Variants in ROBO2 observed in about 807,000 individuals in gnomAD.
ROBO2 encodes roundabout homolog 2.
Under a neutral mutation model 160.8 loss-of-function variants are expected in ROBO2, and 53 were observed. The ratio of observed to expected loss-of-function variants is 0.33; its 90% CI spans 0.26 to 0.41. The LOEUF (loss-of-function observed/expected upper bound fraction) is 0.41. ROBO2 is among the 10% of genes least tolerant of loss of function. The pLI is 1.00. For synonymous variants in ROBO2, 664 were observed against 611.7 expected, an observed-to-expected ratio of 1.09 and a Z score of -1.26; for missense variants, 1,577 against 1,722.4, an observed-to-expected ratio of 0.92 and a Z score of 1.49.
chr3:77,538,319 C>T (rs1435026814), intron 6 of ROBO2, among the ~76,000 whole-genome samples: 2 of 151,642 alleles, frequency 1.3e-5, no homozygotes, highest in Non-Finnish European at 2.9e-5. Context: ...GCTGGGACTA[C>T]AGTCGCCGCC....
At chr3:77,116,586 T>C (rs2074225110) in intron 2 of ROBO2, among the ~76,000 whole-genome samples, 1 of 152,178 alleles carries the variant, frequency 6.6e-6, no homozygotes, top group Non-Finnish European at 1.5e-5. Context: ...AGAAATGTAG[T>C]AGAACTTCAA....
intron 2 of ROBO2, among the ~76,000 whole-genome samples, chr3:76,958,399 C>G (rs1383143086): frequency 6.6e-6 from 1 of 152,232 alleles, no homozygotes; most frequent in Non-Finnish European, 1.5e-5. Context: ...CTCTTCCTCT[C>G]CTCAGCTCAT....
At position 76,380,182 on chromosome 3, in the gene ROBO2, A is replaced by T. The variant is rs545984570; in HGVS notation, c.109+442580A>T. ...TCTAACTCCTTGAAGATATTTAACT[A>T]TAAATCTAGAGCCATTAAAATACAT... On this transcript the variant is annotated intron_variant, in intron 2 of 26. Coordinates refer to the ROBO2 transcript ENST00000487694. 2.6e-5 allele frequency among the ~76,000 whole-genome samples: 4 copies of T among 152,286 alleles called. No individual in the cohort carries two copies. In the South Asian group the frequency reaches 8.3e-4, roughly 32 times the overall value.
At chr3:76,975,033 CT>C (rs2059747221) in intron 2 of ROBO2, among the ~76,000 whole-genome samples, 1 of 152,062 alleles carries the variant, frequency 6.6e-6, no homozygotes, top group Non-Finnish European at 1.5e-5. Flanking sequence ...TGCAGACATG[CT>C]TTAATATGAA....
chr3:76,044,149 T>A (rs540058299), intron 2 of ROBO2, among the ~76,000 whole-genome samples: 1 of 152,150 alleles, frequency 6.6e-6, no homozygotes, highest in African/African-American at 2.4e-5. Flanking sequence ...TGTAACCTCT[T>A]TTCTGTATTT....
chr3:76,432,162 G>C (rs1176292177), intron 2 of ROBO2, among the ~76,000 whole-genome samples: 1 of 152,126 alleles, frequency 6.6e-6, no homozygotes, highest in Non-Finnish European at 1.5e-5. Context: ...TTGGACTTTT[G>C]CTTAGATAAG....
chr3:76,487,246 C>G (rs1191897863), intron 2 of ROBO2, among the ~76,000 whole-genome samples: 1 of 151,732 alleles, frequency 6.6e-6, no homozygotes, highest in African/African-American at 2.4e-5. Context: ...TCCCAAAGTG[C>G]AGGGATTACA....
intron 2 of ROBO2, among the ~76,000 whole-genome samples, chr3:77,034,647 G>A (rs958814513): frequency 6.6e-6 from 1 of 151,882 alleles, no homozygotes; most frequent in African/African-American, 2.4e-5. Context: ...AAGAGATTCA[G>A]TGAGCATACA....
intron 2 of ROBO2, among the ~76,000 whole-genome samples, chr3:76,473,940 C>A (rs977160964): frequency 9.9e-4 from 151 of 152,156 alleles, no homozygotes; most frequent in African/African-American, 3.2e-3. Context: ...TTTTTCCAGA[C>A]CCTATGGATT....
At position 76,689,528 on chromosome 3, in the gene ROBO2, ATTG is replaced by A. The variant is rs2092755251; in HGVS notation, c.110-408483_110-408481del. On this transcript the variant is annotated intron_variant, in intron 2 of 26. Transcript: ENST00000487694. ...GCTATTTTGAAATATACAATAAATT[ATTG>A]TTAATTATAATTTCCTGTCTCCTAC... 5.3e-5 allele frequency among the ~76,000 whole-genome samples: 8 copies of A among 152,276 alleles called. No individual in the cohort carries two copies. In the South Asian group the frequency reaches 1.7e-3, roughly 32 times the overall value.
intron 2 of ROBO2, among the ~76,000 whole-genome samples, chr3:77,208,870 AGGTTAAAACCTTAGTACTT>A (rs2083754328): frequency 6.6e-6 from 1 of 152,214 alleles, no homozygotes; most frequent in African/African-American, 2.4e-5. Context: ...TGGGCTGTGT[AGGTTAAAACCTTAGTACTT>A]GGACTTCATT....
chr3:76,913,669 G>A (rs997790036), intron 2 of ROBO2, among the ~76,000 whole-genome samples: 8 of 152,064 alleles, frequency 5.3e-5, no homozygotes, highest in Non-Finnish European at 8.8e-5. Context: ...CCTGAAAAAC[G>A]TGGCAATTAC....
At chr3:75,960,500 G>A (rs1327805707) in intron 2 of ROBO2, among the ~76,000 whole-genome samples, 2 of 151,782 alleles carry the variant, frequency 1.3e-5, no homozygotes, top group Non-Finnish European at 3.0e-5. Context: ...AAAGATTATA[G>A]GGGTGGTTTC....
intron 2 of ROBO2, among the ~76,000 whole-genome samples, chr3:77,438,567 C>G (rs903080525): frequency 1.4e-5 from 2 of 147,744 alleles, no homozygotes; most frequent in Non-Finnish European, 3.0e-5. Context: ...CACACACACA[C>G]GCATATATGT....
intron 2 of ROBO2, among the ~76,000 whole-genome samples, chr3:77,302,982 C>T (rs977671034): frequency 4.6e-5 from 7 of 152,104 alleles, no homozygotes; most frequent in Non-Finnish European, 8.8e-5. Context: ...GTTTTATCAG[C>T]TTTGAATAGA....
chr3:76,994,728 A>G (rs1300817111), intron 2 of ROBO2, among the ~76,000 whole-genome samples: 1 of 152,184 alleles, frequency 6.6e-6, no homozygotes, highest in African/African-American at 2.4e-5. Flanking sequence ...TTGTGAAATT[A>G]TATCTTGAGT....
intron 2 of ROBO2, among the ~76,000 whole-genome samples, chr3:75,989,660 G>A (rs1053128732): frequency 3.9e-5 from 6 of 152,302 alleles, no homozygotes; most frequent in Admixed American, 1.3e-4. Context: ...TGTTTCACAC[G>A]TTTGTCTGTT....
At chr3:76,072,682 C>T (rs989900687) in intron 2 of ROBO2, among the ~76,000 whole-genome samples, 17 of 152,034 alleles carry the variant, frequency 1.1e-4, no homozygotes, top group Non-Finnish European at 2.4e-4. Context: ...CTTTAAAGTG[C>T]AACAATTTAA....
At chr3:77,287,424 C>T (rs1580682678) in intron 2 of ROBO2, among the ~76,000 whole-genome samples, 1 of 133,314 alleles carries the variant, frequency 7.5e-6, no homozygotes, top group Non-Finnish European at 1.8e-5. Context: ...TGTAATACAA[C>T]ATTTTTTTTC....
Sources: allele counts gnomAD v4.1 joint callset (sites outside exome capture counted in the v4.1 genomes callset), GRCh38; gene constraint gnomAD v4.1.1; transcripts MANE v1.5; gene names NCBI Gene and HGNC (gene_info 2026-07-23, HGNC 2026-07-21).